PGM5: variants seen among roughly 807,000 people sequenced by gnomAD.
PGM5 encodes phosphoglucomutase-like protein 5.
In PGM5, 23 loss-of-function variants were observed where a neutral mutation model predicts 59.2. That is an observed-to-expected ratio of 0.39 (90% CI 0.28 to 0.55). PGM5 has a LOEUF of 0.55. PGM5 is among the 20% of genes least tolerant of loss of function. The probability of loss-of-function intolerance (pLI) is 0.66; values close to 1 mark genes in which losing one functional copy is unlikely to be tolerated. For missense variants in PGM5, 574 were observed against 748.3 expected (o/e 0.77, Z 2.72); for synonymous variants, 214 against 286.0 (o/e 0.75, Z 2.54).
At chr9:68,370,277 T>C (rs1821651081) in intron 1 of PGM5, among the ~76,000 whole-genome samples, 1 of 151,336 alleles carries the variant, frequency 6.6e-6, no homozygotes, top group Non-Finnish European at 1.5e-5. Flanking sequence ...TTTTCTTTTC[T>C]TTTTTTTTCT....
intron 10 of PGM5, among the ~76,000 whole-genome samples, chr9:68,511,391 A>G (rs975066714): frequency 6.6e-6 from 1 of 152,100 alleles, no homozygotes; most frequent in Non-Finnish European, 1.5e-5. Context: ...TATGGCCTGA[A>G]CTAGTTTTCG....
At chr9:68,502,787 T>A (rs1167781983) in intron 10 of PGM5, among the ~76,000 whole-genome samples, 2 of 152,168 alleles carry the variant, frequency 1.3e-5, no homozygotes, top group African/African-American at 2.4e-5. Context: ...CCTCTTGGAT[T>A]CAAGGGATTC....
intron 10 of PGM5, among the ~76,000 whole-genome samples, chr9:68,529,329 T>C (rs1825042952): frequency 6.6e-6 from 1 of 152,080 alleles, no homozygotes; most frequent in Non-Finnish European, 1.5e-5. Context: ...TTTCCTATTA[T>C]AGATAAATTT....
At chr9:68,397,772 C>T (rs1487618677) in intron 6 of PGM5, 3 of 152,050 alleles carry the variant, frequency 2.0e-5, no homozygotes, top group Non-Finnish European at 4.4e-5. Flanking sequence ...GATAGGAGAT[C>T]CAGGGAAGGA....
chr9:68,360,806 A>T (rs1294878201), intron 1 of PGM5, among the ~76,000 whole-genome samples: 1 of 152,226 alleles, frequency 6.6e-6, no homozygotes, highest in African/African-American at 2.4e-5. Context: ...TTTCTAAAAA[A>T]TAAGAACATT....
intron 6 of PGM5, among the ~76,000 whole-genome samples, chr9:68,404,539 G>T (rs1438443019): frequency 1.2e-4 from 18 of 152,170 alleles, no homozygotes; most frequent in Admixed American, 3.3e-4. Flanking sequence ...GATATGAGAT[G>T]CCCGAGCCTA....
At chr9:68,406,657 T>G (rs1822815864) in intron 6 of PGM5, among the ~76,000 whole-genome samples, 1 of 82,444 alleles carries the variant, frequency 1.2e-5, no homozygotes, top group Admixed American at 1.6e-4. Flanking sequence ...AGGATTAAAT[T>G]AGGTATATAT....
chr9:68,443,830 A>C (rs1554683831), intron 6 of PGM5, among the ~76,000 whole-genome samples: 1 of 152,244 alleles, frequency 6.6e-6, no homozygotes, highest in East Asian at 1.9e-4. Flanking sequence ...CGCATTTAAG[A>C]CTTTAAAGTA....
intron 1 of PGM5, among the ~76,000 whole-genome samples, chr9:68,359,748 T>G (rs1372958619): frequency 6.6e-6 from 1 of 152,258 alleles, no homozygotes; most frequent in Non-Finnish European, 1.5e-5. Flanking sequence ...CTCTTTGAAC[T>G]GACAAATCTA....
chr9:68,499,435 A>C (rs1453474008), intron 10 of PGM5, 74 bp downstream of exon 10: 1 of 1,465,092 alleles, frequency 6.8e-7, no homozygotes, highest in African/African-American at 1.4e-5. Context: ...ATGGGCCTTT[A>C]GTGGGGCTAT....
intron 9 of PGM5, among the ~76,000 whole-genome samples, chr9:68,486,240 C>A (rs1824293825): frequency 6.6e-6 from 1 of 151,828 alleles, no homozygotes; most frequent in Non-Finnish European, 1.5e-5. Flanking sequence ...TTTCATGGTA[C>A]AGTTTTAAAA....
chr9:68,434,316 C>CAAAAAAAAAAAAAAAAAAAA (rs71353054), intron 6 of PGM5, among the ~76,000 whole-genome samples: 15 of 90,826 alleles, frequency 1.7e-4, no homozygotes, highest in South Asian at 4.4e-4. Flanking sequence ...GACTCCGTCT[C>CAAAAAAAAAAAAAAAAAAAA]AAAAAAAAAA....
chr9:68,489,955 C>T (rs1222763279), intron 9 of PGM5, among the ~76,000 whole-genome samples: 1 of 152,114 alleles, frequency 6.6e-6, no homozygotes, highest in African/African-American at 2.4e-5. Context: ...TGATGTTGTC[C>T]TTAACCTGGA....
intron 6 of PGM5, among the ~76,000 whole-genome samples, chr9:68,458,814 CA>C (rs1554685149): frequency 6.6e-6 from 1 of 151,950 alleles, no homozygotes. Flanking sequence ...TTGTTCCATC[CA>C]AAAAATGGGT....
chr9:68,526,311 C>G (rs1824973348), intron 10 of PGM5, among the ~76,000 whole-genome samples: 1 of 152,134 alleles, frequency 6.6e-6, no homozygotes, highest in Non-Finnish European at 1.5e-5. Flanking sequence ...CCGGATTAGC[C>G]CAGGCTCTTG....
intron 6 of PGM5, among the ~76,000 whole-genome samples, chr9:68,438,828 G>C (rs782739114): frequency 6.6e-6 from 1 of 152,136 alleles, no homozygotes; most frequent in Non-Finnish European, 1.5e-5. Context: ...GAGAGTCTCT[G>C]TGTGTATGTT....
chr9:68,506,981 T>C (rs2132110371), intron 10 of PGM5, among the ~76,000 whole-genome samples: 1 of 152,288 alleles, frequency 6.6e-6, no homozygotes. Flanking sequence ...TTCCCATATG[T>C]AGTTAAAAAT....
chr9:68,463,055 C>T (rs562089952), intron 6 of PGM5, among the ~76,000 whole-genome samples: 1 of 152,186 alleles, frequency 6.6e-6, no homozygotes, highest in South Asian at 2.1e-4. Flanking sequence ...AGCTGACCAC[C>T]TGAAAAGTGC....
intron 6 of PGM5, among the ~76,000 whole-genome samples, chr9:68,442,365 A>G (rs1554683739): frequency 2.6e-5 from 4 of 152,062 alleles, no homozygotes; most frequent in African/African-American, 9.7e-5. Flanking sequence ...GATCACTGCA[A>G]CCTCCACCTC....
Sources: gnomAD v4.1 joint callset for allele counts (sites outside exome capture counted in the v4.1 genomes callset) on GRCh38, gnomAD v4.1.1 for gene constraint, MANE v1.5 for transcripts, NCBI Gene and HGNC (gene_info 2026-07-23, HGNC 2026-07-21) for gene names.